Variants in CARS2 observed in about 807,000 individuals in gnomAD.
CARS2 encodes probable cysteine--tRNA ligase, mitochondrial.
A neutral mutation model predicts 68.8 loss-of-function variants in CARS2; 52 were observed. That is an observed-to-expected ratio of 0.76 (90% CI 0.61 to 0.95). CARS2 has a LOEUF of 0.95. Ranked by LOEUF, CARS2 falls within the 40% of genes least tolerant of loss-of-function variation. The pLI is 0.00. For synonymous variants in CARS2, 314 were observed against 303.6 expected, an observed-to-expected ratio of 1.03 and a Z score of -0.36; for missense variants, 780 against 754.2, an observed-to-expected ratio of 1.03 and a Z score of -0.40.
intron 9 of CARS2, among the ~76,000 whole-genome samples, chr13:110,656,281 T>G (rs1420163117): frequency 6.6e-6 from 1 of 151,836 alleles, no homozygotes; most frequent in African/African-American, 2.4e-5. Context: ...ACAGCCTGGG[T>G]GACAGAGCAA....
chr13:110,706,799 C>CCCCAATACAGTGTGCA (rs2063970492), upstream of CARS2, among the ~76,000 whole-genome samples: 1 of 150,358 alleles, frequency 6.7e-6, no homozygotes, highest in Non-Finnish European at 1.5e-5. Flanking sequence ...ACAGTGTGCA[C>CCCCAATACAGTGTGCA]CCCAATACAG....
intron 8 of CARS2, chr13:110,666,487 C>T (rs1217232946): frequency 1.0e-6 from 1 of 985,202 alleles, no homozygotes; most frequent in Non-Finnish European, 1.2e-6. Context: ...GCTGGGTTCC[C>T]CGACTCAACA....
In CARS2 at chr13:110,705,731, C is replaced by T; in HGVS notation, c.224+139G>A. On this transcript the variant is annotated intron_variant, in intron 1 of 14. Coordinates refer to ENST00000257347, the MANE Select transcript of CARS2 (RefSeq NM_024537.4). The surrounding 1 kb of genome is among the most constrained non-coding windows in gnomAD (Gnocchi z 4.0). ...CAATTCACACCCAAACCTGCAAAAGCACCGCGCACCCCCAGCTTCTAGAAC... is the reference window on the plus strand; with the variant it reads ...CAATTCACACCCAAACCTGCAAAAGTACCGCGCACCCCCAGCTTCTAGAAC... 6.5e-7 allele frequency: 1 copy of T among 1,535,528 alleles called. No homozygotes were observed. Among genetic ancestry groups the T allele is most frequent in the Non-Finnish European group, 8.8e-7 (1 of 1,141,648 alleles).
chr13:110,689,775 TAC>T (rs2063405282), intron 3 of CARS2, among the ~76,000 whole-genome samples: 1 of 152,206 alleles, frequency 6.6e-6, no homozygotes, highest in Non-Finnish European at 1.5e-5. Context: ...TCTCCTGCGG[TAC>T]AGTTTTGTGG....
At position 110,668,282 on chromosome 13, in the gene CARS2, G is replaced by A. The variant is rs1408327055; in HGVS notation, c.786-809C>T. ...ATCTTAGCCGGGCGCGGTGGCTCAC[G>A]CCTGTAAACACAGCACTTTGGGAGG... On this transcript the variant is annotated intron_variant, in intron 7 of 14. Coordinates refer to ENST00000257347, the MANE Select transcript of CARS2 (RefSeq NM_024537.4). This position sits in a 1 kb window ranked among gnomAD's most constrained non-coding sequence, Gnocchi z 4.1. 6.6e-6 allele frequency among the ~76,000 whole-genome samples: 1 copy of A among 152,186 alleles called. No homozygotes were observed. Among genetic ancestry groups the A allele is most frequent in the East Asian group, 1.9e-4 (1 of 5,196 alleles).
Position 110,665,479 on chromosome 13 carries a change from C to A in CARS2, c.919+1861G>T. 1 of 985,476 alleles carries A rather than the reference C, an allele frequency of 1.0e-6. No homozygotes were observed. Among genetic ancestry groups the A allele is most frequent in the Non-Finnish European group, 1.2e-6 (1 of 829,980 alleles). The allele number at this position is 985,476 out of a possible 1,614,324, so 61.0% of individuals were successfully genotyped here. On this transcript the variant is annotated intron_variant, in intron 8 of 14. Transcript: ENST00000257347. The surrounding 1 kb of genome is among the most constrained non-coding windows in gnomAD (Gnocchi z 4.3). ...AGCAAATGCTTTCCCATTCCCACATCGGAAGGTGAACACGACCTCCGTTTC... is the reference window on the plus strand; with the variant it reads ...AGCAAATGCTTTCCCATTCCCACATAGGAAGGTGAACACGACCTCCGTTTC...
chr13:110,666,583 A>C (rs754512785), intron 8 of CARS2: 74 of 985,090 alleles, frequency 7.5e-5, no homozygotes, highest in Non-Finnish European at 8.7e-5. Flanking sequence ...ACCCAAGTGA[A>C]CTCTGCTGCG....
chr13:110,713,308 T>G (rs1316740424), exon 1 of CARS2: 2 of 1,188,680 alleles, frequency 1.7e-6, no homozygotes, highest in Non-Finnish European at 2.1e-6. Context: ...TGTACCATGG[T>G]CTCGGAGGTT....
intron 2 of CARS2, among the ~76,000 whole-genome samples, chr13:110,704,460 A>G (rs2063881629): frequency 6.6e-6 from 1 of 152,268 alleles, no homozygotes; most frequent in South Asian, 2.1e-4. Context: ...ATGGTGGTTC[A>G]TGCCTGTAAT....
intron 9 of CARS2, among the ~76,000 whole-genome samples, chr13:110,661,327 C>T (rs7317796): frequency 0.58 from 88,920 of 152,062 alleles, 26,651 homozygotes; most frequent in Non-Finnish European, 0.67. Flanking sequence ...TTTCCTTCAA[C>T]CTCACAAACC....
chr13:110,694,000 A>G (rs778678493), intron 3 of CARS2, among the ~76,000 whole-genome samples: 2 of 151,984 alleles, frequency 1.3e-5, no homozygotes, highest in African/African-American at 2.4e-5. Context: ...ACTTGGAGAC[A>G]TATATAATAA....
At chr13:110,669,351 C>T (rs552005920) in intron 7 of CARS2, among the ~76,000 whole-genome samples, 3 of 152,244 alleles carry the variant, frequency 2.0e-5, no homozygotes, top group African/African-American at 7.2e-5. Flanking sequence ...ATTATCTCCA[C>T]CCAAACCCCC....
Position 110,670,445 on chromosome 13 carries a change from G to T in CARS2, c.786-2972C>A, listed in dbSNP as rs1199837712. Among the ~76,000 whole-genome samples, 1 of 152,170 alleles carries T rather than the reference G, an allele frequency of 6.6e-6. No individual in the cohort carries two copies. The highest frequency in any genetic ancestry group is 1.9e-4 in the East Asian group (1 of 5,196). ...CTGCTGGTGATACCCAGGCAAACAG[G>T]GTCTGGAGTGGACCTCCAGCAAACT... On this transcript the variant is annotated intron_variant, in intron 7 of 14. Coordinates refer to ENST00000257347, the MANE Select transcript of CARS2 (RefSeq NM_024537.4). This position sits in a 1 kb window ranked among gnomAD's most constrained non-coding sequence, Gnocchi z 4.1.
At chr13:110,692,003 A>AAAAAT (rs1555299926) in intron 3 of CARS2, among the ~76,000 whole-genome samples, 66 of 91,508 alleles carry the variant, frequency 7.2e-4, no homozygotes, top group East Asian at 1.8e-3. Context: ...AAAAAAAAAA[A>AAAAAT]ATATATATAT....
chr13:110,703,171 T>C (rs1306005749), intron 2 of CARS2, among the ~76,000 whole-genome samples: 1 of 152,240 alleles, frequency 6.6e-6, no homozygotes, highest in African/African-American at 2.4e-5. Context: ...AGGCTATTTT[T>C]CAGGGTGTCT....
In CARS2 at chr13:110,662,237, G is replaced by A. The variant is rs571140044; in HGVS notation, c.987+1214C>T. On this transcript the variant is annotated intron_variant, in intron 9 of 14. Transcript: ENST00000257347. ...CTCTGCGTCATGCAACCCCACGGCC[G>A]GGTTCGGACCTCTCTCTGCGTCATG... Among the ~76,000 whole-genome samples the A allele has an allele frequency of 1.1e-3, 157 of 144,790 alleles. 1 individual carries two copies. Among genetic ancestry groups the A allele is most frequent in the Non-Finnish European group, 1.6e-3 (106 of 66,330 alleles). 95.0% of individuals were successfully genotyped at this position (144,790 alleles called of 152,430 possible).
chr13:110,649,931 C>CTTTTTTTTTTTTTTTTTTT (rs59276783), intron 10 of CARS2, among the ~76,000 whole-genome samples: 23 of 73,140 alleles, frequency 3.1e-4, no homozygotes, highest in East Asian at 1.3e-3. Flanking sequence ...TGGATAACGA[C>CTTTTTTTTTTTTTTTTTTT]TTTTTTTTTT....
intron 14 of CARS2, 150 bp downstream of exon 14, chr13:110,642,165 C>T (rs745331888): frequency 7.7e-5 from 51 of 661,400 alleles, no homozygotes; most frequent in Non-Finnish European, 1.1e-4. Context: ...CGAGATCACG[C>T]CATTGCACTC....
At chr13:110,654,926 A>AAAAAAAAAAGAAAAAG (rs1193852605) in intron 9 of CARS2, among the ~76,000 whole-genome samples, 25 of 142,096 alleles carry the variant, frequency 1.8e-4, no homozygotes, top group African/African-American at 6.8e-4. Flanking sequence ...TCTCTCAAAA[A>AAAAAAAAAAGAAAAAG]AAAAAAAAAG....
Sources: gnomAD v4.1 joint callset for allele counts (sites outside exome capture counted in the v4.1 genomes callset) on GRCh38, gnomAD v4.1.1 for gene constraint, Gnocchi (gnomAD v3.1) non-coding constraint, MANE v1.5 for transcripts, NCBI Gene and HGNC (gene_info 2026-07-23, HGNC 2026-07-21) for gene names.